DOK6: variants seen among roughly 807,000 people sequenced by gnomAD.
DOK6 encodes the protein docking protein 6, also known as downstream of tyrosine kinase 6.
DOK6 carries 22 observed loss-of-function variants against 44.0 expected under a neutral mutation model. The ratio of observed to expected loss-of-function variants is 0.50; its 90% confidence interval spans 0.36 to 0.71. The LOEUF (loss-of-function observed/expected upper bound fraction) is 0.71. DOK6 is among the 30% of genes least tolerant of loss of function. DOK6 has a pLI of 0.00. For missense variants in DOK6, 340 were observed against 416.4 expected, an observed-to-expected ratio of 0.82 and a Z score of 1.60; for synonymous variants, 166 against 145.5, an observed-to-expected ratio of 1.14 and a Z score of -1.01.
At chr18:69,407,741 A>G (rs1393222578) in intron 1 of DOK6, among the ~76,000 whole-genome samples, 1 of 152,240 alleles carries the variant, frequency 6.6e-6, no homozygotes, top group Non-Finnish European at 1.5e-5. Flanking sequence ...TTTACATGGT[A>G]CTTGCAATGA....
In DOK6 at chr18:69,528,530, T is replaced by C. The variant is rs116363930; in HGVS notation, c.67-35957T>C. ...CCAGGAGATTCCCTGAAGTATAGCC[T>C]GACTCATTGCTGGTAAGAATACTTC... On this transcript the variant is annotated intron_variant, in intron 1 of 7. Transcript: ENST00000382713. Among the ~76,000 whole-genome samples the C allele has an allele frequency of 6.2e-3, 950 of 152,330 alleles. 8 individuals are homozygous for C. Among genetic ancestry groups the C allele is most frequent in the African/African-American group, 0.021 (883 of 41,556 alleles).
At chr18:69,829,088 C>A in intron 7 of DOK6, among the ~76,000 whole-genome samples, 1 of 149,808 alleles carries the variant, frequency 6.7e-6, no homozygotes. Context: ...AGAAAAGTAC[C>A]AGATCAGTAC....
At chr18:69,614,357 T>C (rs1440584349) in intron 3 of DOK6, among the ~76,000 whole-genome samples, 2 of 152,172 alleles carry the variant, frequency 1.3e-5, no homozygotes, top group Admixed American at 6.5e-5. Flanking sequence ...GCAGTAGGCA[T>C]ACATTTCAAC....
intron 1 of DOK6, among the ~76,000 whole-genome samples, chr18:69,462,287 G>T (rs1484195377): frequency 3.3e-5 from 5 of 152,136 alleles, no homozygotes; most frequent in African/African-American, 2.4e-5. Context: ...AGGCCTGTCA[G>T]ATGGAAGCTA....
chr18:69,584,107 CAAAAAA>C (rs370695841), intron 2 of DOK6, among the ~76,000 whole-genome samples: 9 of 91,294 alleles, frequency 9.9e-5, no homozygotes, highest in South Asian at 3.9e-4. Flanking sequence ...GACTCCGTCT[CAAAAAA>C]AAAAAAAAAA....
intron 3 of DOK6, among the ~76,000 whole-genome samples, chr18:69,637,818 C>G (rs4396622): frequency 0.85 from 129,642 of 151,870 alleles, 56,344 homozygotes; most frequent in East Asian, 0.95. Flanking sequence ...TATTCTGGCA[C>G]TTTAATAATA....
intron 1 of DOK6, among the ~76,000 whole-genome samples, chr18:69,411,202 G>A (rs1336650297): frequency 6.6e-6 from 1 of 152,172 alleles, no homozygotes; most frequent in Non-Finnish European, 1.5e-5. Flanking sequence ...AACATATCCA[G>A]GTAACAATAT....
At chr18:69,743,619 T>C (rs1314825696) in intron 6 of DOK6, among the ~76,000 whole-genome samples, 1 of 152,148 alleles carries the variant, frequency 6.6e-6, no homozygotes, top group Non-Finnish European at 1.5e-5. Flanking sequence ...AAGCAATTTA[T>C]TATAAAATGC....
rs544041957 is a variant in DOK6 at position 69,621,883 on chromosome 18, A to C, written c.289+22385A>C. Among the ~76,000 whole-genome samples the C allele has an allele frequency of 3.9e-5, 6 of 152,328 alleles. No homozygotes were observed. The South Asian group carries it at 8.3e-4, about 21-fold the overall frequency. On this transcript the variant is annotated intron_variant, in intron 3 of 7. Coordinates refer to ENST00000382713, the MANE Select transcript of DOK6 (RefSeq NM_152721.6). ...GATCACAGTGTTTTGAAAAATAAAAAATGATCTTACAGTGTTTTTAAAATA... is the reference window on the plus strand; with the variant it reads ...GATCACAGTGTTTTGAAAAATAAAACATGATCTTACAGTGTTTTTAAAATA...
At chr18:69,634,608 T>G (rs1024103040) in intron 3 of DOK6, among the ~76,000 whole-genome samples, 1 of 152,194 alleles carries the variant, frequency 6.6e-6, no homozygotes, top group Admixed American at 6.5e-5. Flanking sequence ...AGAAATAATG[T>G]ATTTGATAGT....
chr18:69,734,544 T>C (rs1269952118), intron 5 of DOK6, among the ~76,000 whole-genome samples: 1 of 152,316 alleles, frequency 6.6e-6, no homozygotes, highest in East Asian at 1.9e-4. Flanking sequence ...TAATTAAACG[T>C]TAAATTTTAA....
chr18:69,655,877 G>A lies in DOK6; in HGVS notation c.290-21857G>A, dbSNP rs1017769465. Among the ~76,000 whole-genome samples the A allele has an allele frequency of 1.3e-4, 19 of 147,530 alleles. No individual in the cohort carries two copies. In the East Asian group the frequency reaches 3.4e-3, roughly 26 times the overall value. ...CATATGATAAAAATAAGATATGAAAGAGTAAGAATGTCCACCATACATCCA... is the reference window on the plus strand; with the variant it reads ...CATATGATAAAAATAAGATATGAAAAAGTAAGAATGTCCACCATACATCCA... On this transcript the variant is annotated intron_variant, in intron 3 of 7. Transcript: ENST00000382713.
At chr18:69,560,991 C>T (rs1982817361) in intron 1 of DOK6, among the ~76,000 whole-genome samples, 1 of 152,102 alleles carries the variant, frequency 6.6e-6, no homozygotes, top group South Asian at 2.1e-4. Flanking sequence ...TCTGAATATT[C>T]TGGAGCTGAA....
intron 3 of DOK6, among the ~76,000 whole-genome samples, chr18:69,671,797 T>G (rs146222823): frequency 6.6e-6 from 1 of 152,358 alleles, no homozygotes; most frequent in African/African-American, 2.4e-5. Context: ...TTTCTGGGAA[T>G]AAACTGCAAA....
In DOK6 at chr18:69,848,186, A is replaced by C. The variant is rs1982393766; in HGVS notation, c.*6803A>C. On this transcript the variant is annotated 3_prime_UTR_variant, in exon 8 of 8. Transcript: ENST00000382713. ...ATGAATCTCTAAAATATATTAAATAATGTGTTATATATTTGCTTTTTGTAA... is the reference window on the plus strand; with the variant it reads ...ATGAATCTCTAAAATATATTAAATACTGTGTTATATATTTGCTTTTTGTAA... 6.6e-6 allele frequency: 1 copy of C among 152,094 alleles called. No homozygotes were observed. The highest frequency in any genetic ancestry group is 6.5e-5 in the Admixed American group (1 of 15,280). 9.4% of individuals were successfully genotyped at this position (152,094 alleles called of 1,614,324 possible).
intron 7 of DOK6, among the ~76,000 whole-genome samples, chr18:69,786,127 A>G (rs1980420977): frequency 6.6e-6 from 1 of 152,172 alleles, no homozygotes; most frequent in Non-Finnish European, 1.5e-5. Flanking sequence ...TTATTTCTTA[A>G]TGGTTTCCAC....
At chr18:69,816,299 T>C (rs1981396723) in intron 7 of DOK6, among the ~76,000 whole-genome samples, 1 of 152,184 alleles carries the variant, frequency 6.6e-6, no homozygotes, top group African/African-American at 2.4e-5. Flanking sequence ...CAGCTGCTCC[T>C]ATATTTTTCT....
chr18:69,747,546 A>G (rs1185846788), intron 6 of DOK6, among the ~76,000 whole-genome samples: 1 of 151,966 alleles, frequency 6.6e-6, no homozygotes, highest in Non-Finnish European at 1.5e-5. Context: ...GGATAAGGGT[A>G]GAATGTCCAC....
chr18:69,774,863 C>T (rs1320329000), intron 7 of DOK6, among the ~76,000 whole-genome samples: 2 of 151,704 alleles, frequency 1.3e-5, no homozygotes, highest in Non-Finnish European at 2.9e-5. Context: ...TGAAGAAGTA[C>T]ATTGAGTTCC....
Sources: gnomAD v4.1 joint callset for allele counts (sites outside exome capture counted in the v4.1 genomes callset) on GRCh38, gnomAD v4.1.1 for gene constraint, MANE v1.5 for transcripts, NCBI Gene and HGNC (gene_info 2026-07-23, HGNC 2026-07-21) for gene names.